ZFHX3: variants seen among roughly 807,000 people sequenced by gnomAD.
The protein encoded by ZFHX3 is zinc finger homeobox protein 3.
ZFHX3 carries 42 observed loss-of-function variants against 279.1 expected under a neutral mutation model. The ratio of observed to expected loss-of-function variants is 0.15; its 90% confidence interval spans 0.12 to 0.19. The LOEUF (loss-of-function observed/expected upper bound fraction) is 0.19. ZFHX3 is among the 10% of genes least tolerant of loss of function. ZFHX3 has a pLI of 1.00. For synonymous variants in ZFHX3, 2,293 were observed against 1,957.8 expected (o/e 1.17, Z -4.52); for missense variants, 4,981 against 4,754.0 (o/e 1.05, Z -1.40).
chr16:73,032,524 C>T (rs116429014), intron 1 of ZFHX3, among the ~76,000 whole-genome samples: 28 of 152,262 alleles, frequency 1.8e-4, no homozygotes, highest in African/African-American at 6.0e-4. Context: ...GACAAAGTAA[C>T]AGGAACCTAG....
intron 2 of ZFHX3, among the ~76,000 whole-genome samples, chr16:73,546,716 C>CTGCTGT (rs2020118201): frequency 8.2e-6 from 1 of 121,382 alleles, no homozygotes; most frequent in African/African-American, 3.4e-5. Context: ...GCTGCTGCTG[C>CTGCTGT]TGCTGCTGCT....
At chr16:73,416,353 A>G (rs904693848) in intron 3 of ZFHX3, among the ~76,000 whole-genome samples, 2 of 152,172 alleles carry the variant, frequency 1.3e-5, no homozygotes, top group Non-Finnish European at 2.9e-5. Context: ...AAATTCTACA[A>G]GGTGAGAATA....
intron 3 of ZFHX3, among the ~76,000 whole-genome samples, chr16:72,927,753 T>A (rs987918280): frequency 6.6e-6 from 1 of 151,494 alleles, no homozygotes; most frequent in Non-Finnish European, 1.5e-5. Context: ...TCCAGCGCGC[T>A]CTCCCCCACC....
At position 72,797,891 on chromosome 16, in the gene ZFHX3, C is replaced by T; in HGVS notation, c.4791G>A (p.Lys1597=). 1.2e-6 allele frequency: 2 copies of T among 1,614,182 alleles called. No individual in the cohort carries two copies. Among genetic ancestry groups the T allele is most frequent in the Non-Finnish European group, 1.7e-6 (2 of 1,180,044 alleles). The change falls in exon 9 of 10, where the codon AAG becomes AAA. Residue 1597 remains lysine (K), a synonymous_variant. Coordinates refer to ENST00000268489, the MANE Select transcript of ZFHX3 (RefSeq NM_006885.4). ...PTSSPDNKPF[K]CNTCNVAYSQ... ...TGTAGGCCACATTACAAGTGTTACA[C>T]TTAAAAGGTTTGTTGTCTGGGCTGC...
intron 1 of ZFHX3, among the ~76,000 whole-genome samples, chr16:73,873,232 GGTGGT>G (rs1481966932): frequency 1.2e-3 from 130 of 107,142 alleles, no homozygotes; most frequent in Non-Finnish European, 1.8e-3. Flanking sequence ...GGTGGTGGTG[GGTGGT>G]AGTGGGTGGT....
intron 3 of ZFHX3, among the ~76,000 whole-genome samples, chr16:73,319,098 G>A (rs1203399393): frequency 6.6e-6 from 1 of 151,764 alleles, no homozygotes; most frequent in Non-Finnish European, 1.5e-5. Context: ...GGGGAGGGGA[G>A]GGGAGGTGTG....
At chr16:73,638,597 T>C (rs2052547841) in intron 2 of ZFHX3, among the ~76,000 whole-genome samples, 2 of 152,192 alleles carry the variant, frequency 1.3e-5, no homozygotes, top group Non-Finnish European at 2.9e-5. Context: ...TACATACAGT[T>C]TGCCTTCAAT....
At chr16:73,296,862 C>T (rs946870607) in intron 4 of ZFHX3, among the ~76,000 whole-genome samples, 10 of 143,658 alleles carry the variant, frequency 7.0e-5, no homozygotes, top group African/African-American at 2.3e-4. Context: ...TTTATAATTG[C>T]CATGTGAAGC....
At chr16:73,436,342 G>A (rs149150549) in intron 3 of ZFHX3, among the ~76,000 whole-genome samples, 346 of 152,278 alleles carry the variant, frequency 2.3e-3, no homozygotes, top group Middle Eastern at 6.8e-3. Context: ...AGGTTTAAGG[G>A]ACTCAGAGTT....
At chr16:72,884,067 C>A (rs951654897) in intron 4 of ZFHX3, among the ~76,000 whole-genome samples, 1 of 151,454 alleles carries the variant, frequency 6.6e-6, no homozygotes, top group Non-Finnish European at 1.5e-5. Flanking sequence ...GGCAGCCTTA[C>A]ACCAACTTTG....
intron 2 of ZFHX3, among the ~76,000 whole-genome samples, chr16:73,568,563 T>C (rs1396756757): frequency 2.0e-5 from 3 of 152,222 alleles, no homozygotes; most frequent in African/African-American, 7.2e-5. Context: ...GTGTGGAACT[T>C]GATTTTCGAC....
intron 1 of ZFHX3, among the ~76,000 whole-genome samples, chr16:73,701,236 G>A (rs2053243303): frequency 6.6e-6 from 1 of 152,100 alleles, no homozygotes; most frequent in East Asian, 1.9e-4. Context: ...AAGTGATGTT[G>A]GTTTTCTTGT....
At chr16:73,159,577 T>G (rs2144854821) in intron 5 of ZFHX3, among the ~76,000 whole-genome samples, 1 of 152,210 alleles carries the variant, frequency 6.6e-6, no homozygotes, top group Non-Finnish European at 1.5e-5. Context: ...GGGAGGCCAT[T>G]CTTGTTTATC....
intron 1 of ZFHX3, among the ~76,000 whole-genome samples, chr16:73,728,015 G>GCCCCCCCACCC (rs2053534690): frequency 1.3e-5 from 1 of 75,426 alleles, no homozygotes. Flanking sequence ...GCCGAATTGT[G>GCCCCCCCACCC]CCCCCCCCCC....
At chr16:73,630,688 C>T (rs923251978) in intron 2 of ZFHX3, among the ~76,000 whole-genome samples, 4 of 152,148 alleles carry the variant, frequency 2.6e-5, no homozygotes, top group African/African-American at 7.2e-5. Context: ...GGAAACAGGA[C>T]GTTCAGCTGG....
In ZFHX3 at chr16:73,247,425, C is replaced by T. The variant is rs111209781; in HGVS notation, c.-1104+9622G>A. 7.7e-3 allele frequency among the ~76,000 whole-genome samples: 1,166 copies of T among 151,590 alleles called. 20 individuals are homozygous for T. The highest frequency in any genetic ancestry group is 0.027 in the African/African-American group (1,118 of 41,280). ...CTATGTATATAATGTGTCTGTATGTCTATGTGCCTGTATGCGGAGTGTATG... is the reference window on the plus strand; with the variant it reads ...CTATGTATATAATGTGTCTGTATGTTTATGTGCCTGTATGCGGAGTGTATG... On this transcript the variant is annotated intron_variant, in intron 5 of 17. Coordinates refer to the ZFHX3 transcript ENST00000641206.
At chr16:73,538,299 T>A (rs2019943201) in intron 2 of ZFHX3, among the ~76,000 whole-genome samples, 1 of 151,900 alleles carries the variant, frequency 6.6e-6, no homozygotes, top group African/African-American at 2.4e-5. Flanking sequence ...CTACACAGAG[T>A]TTGGAAAAAA....
intron 2 of ZFHX3, among the ~76,000 whole-genome samples, chr16:73,546,442 G>T (rs1229029308): frequency 1.3e-5 from 2 of 151,034 alleles, no homozygotes; most frequent in African/African-American, 4.9e-5. Context: ...TTTATTAAGA[G>T]GACAGAGTTG....
chr16:73,370,787 G>A (rs2016615098), intron 3 of ZFHX3, among the ~76,000 whole-genome samples: 1 of 152,176 alleles, frequency 6.6e-6, no homozygotes, highest in Non-Finnish European at 1.5e-5. Flanking sequence ...GCACTTGAAT[G>A]CTTAAAAACT....
Sources: gnomAD v4.1 joint callset for allele counts (sites outside exome capture counted in the v4.1 genomes callset) on GRCh38, gnomAD v4.1.1 for gene constraint, MANE v1.5 for transcripts, NCBI Gene and HGNC (gene_info 2026-07-23, HGNC 2026-07-21) for gene names.